Variants in RIMS1 observed in about 807,000 individuals in gnomAD.
RIMS1 encodes regulating synaptic membrane exocytosis protein 1.
In RIMS1, 83 loss-of-function variants were observed where a neutral mutation model predicts 214.1. That is an observed-to-expected ratio of 0.39 (90% CI 0.32 to 0.47). The LOEUF (loss-of-function observed/expected upper bound fraction) is 0.47, where lower values mean the gene tolerates loss of function less well. Ranked by LOEUF, RIMS1 falls within the 20% of genes least tolerant of loss-of-function variation. The probability of loss-of-function intolerance (pLI) is 0.99; values close to 1 mark genes in which losing one functional copy is unlikely to be tolerated. For synonymous variants in RIMS1, 793 were observed against 786.8 expected (o/e 1.01, Z -0.13); for missense variants, 2,050 against 2,161.8 (o/e 0.95, Z 1.03).
chr6:71,997,702 C>A (rs944403787), intron 2 of RIMS1, among the ~76,000 whole-genome samples: 4 of 152,142 alleles, frequency 2.6e-5, no homozygotes, highest in Admixed American at 2.6e-4. Context: ...TTACAGGCAA[C>A]AGGAACCATT....
At position 72,235,670 on chromosome 6, in the gene RIMS1, T is replaced by G; in HGVS notation, c.1799T>G (p.Val600Gly). 1 of 1,611,392 alleles carries G rather than the reference T, an allele frequency of 6.2e-7. No homozygotes were observed. Residue 600 changes from valine (V) to glycine (G), a missense_variant, in exon 8 of 34, where the codon GTT (valine) becomes GGT (glycine). By Grantham distance (109) the Val-to-Gly change is moderately radical. Coordinates refer to ENST00000521978, the MANE Select transcript of RIMS1 (RefSeq NM_014989.7). ...SKEGDRLIGR[V>G]ILNKRTTMPK... is the part of the protein sequence containing the mutation. ...GAGGGGGACCGATTAATTGGACGTG[T>G]TATTCTTAACAAGAGAACAACCATG...
At chr6:71,964,228 G>A (rs1048409320) in intron 1 of RIMS1, among the ~76,000 whole-genome samples, 4 of 152,134 alleles carry the variant, frequency 2.6e-5, no homozygotes, top group East Asian at 1.9e-4. Context: ...GGAAAGGTTG[G>A]TGCAGAGATT....
intron 1 of RIMS1, among the ~76,000 whole-genome samples, chr6:71,887,437 T>G (rs1225140460): frequency 1.3e-5 from 2 of 151,470 alleles, no homozygotes; most frequent in African/African-American, 4.9e-5. Flanking sequence ...GAGACTGGGG[T>G]GCAGAGGAGG....
At chr6:72,346,342 A>G (rs543373948) in intron 29 of RIMS1, among the ~76,000 whole-genome samples, 1 of 151,962 alleles carries the variant, frequency 6.6e-6, no homozygotes, top group Non-Finnish European at 1.5e-5. Flanking sequence ...TTAATAGAAT[A>G]CAAGAATAGA....
At chr6:72,302,345 A>G (rs560141344) in intron 26 of RIMS1, among the ~76,000 whole-genome samples, 55 of 151,818 alleles carry the variant, frequency 3.6e-4, no homozygotes, top group African/African-American at 1.2e-3. Flanking sequence ...TTTCAAATAA[A>G]CCATCTTTCT....
intron 1 of RIMS1, among the ~76,000 whole-genome samples, chr6:71,943,777 C>T (rs1401756561): frequency 1.3e-5 from 2 of 152,168 alleles, no homozygotes; most frequent in African/African-American, 4.8e-5. Context: ...AGCGTATCAG[C>T]TTTCCGATGG....
chr6:72,017,614 CTG>C (rs1229871962), intron 2 of RIMS1, among the ~76,000 whole-genome samples: 2 of 152,128 alleles, frequency 1.3e-5, no homozygotes, highest in South Asian at 2.1e-4. Context: ...GTATTGGAAA[CTG>C]TTCTGGATTC....
At chr6:72,030,081 C>T (rs114041275) in intron 2 of RIMS1, among the ~76,000 whole-genome samples, 32 of 152,258 alleles carry the variant, frequency 2.1e-4, no homozygotes, top group African/African-American at 7.7e-4. Flanking sequence ...CAGGGCCAGA[C>T]CATGTCATAG....
intron 4 of RIMS1, among the ~76,000 whole-genome samples, chr6:72,172,324 C>T (rs1031888308): frequency 6.6e-6 from 1 of 152,038 alleles, no homozygotes; most frequent in East Asian, 1.9e-4. Flanking sequence ...CCACATATAA[C>T]TATGTAACTG....
chr6:71,909,632 G>A (rs1776310023), intron 1 of RIMS1, among the ~76,000 whole-genome samples: 1 of 152,030 alleles, frequency 6.6e-6, no homozygotes, highest in Non-Finnish European at 1.5e-5. Flanking sequence ...AAAATACAGA[G>A]GTATACTAAA....
At chr6:72,293,547 G>A (rs995293322) in intron 26 of RIMS1, among the ~76,000 whole-genome samples, 3 of 151,932 alleles carry the variant, frequency 2.0e-5, no homozygotes, top group East Asian at 1.9e-4. Flanking sequence ...CGGTCTTACC[G>A]ATCATATTTT....
Position 72,260,737 on chromosome 6 carries a change from G to A in RIMS1, c.3086G>A (p.Gly1029Glu). The change falls in exon 19 of 34, where the codon GGA becomes GAA. Residue 1029 changes from glycine to glutamate, a missense_variant. Coordinates refer to ENST00000521978, the MANE Select transcript of RIMS1 (RefSeq NM_014989.7). ...CTTATGCTGCCCAGAGCAAAACGAG[G>A]ACGAAGTGCAGAATGCCTACATACT... The part of the protein sequence containing the change: ...ELLMLPRAKR[G>E]RSAECLHTTR... 1 of 1,612,510 alleles carries A rather than the reference G, an allele frequency of 6.2e-7. No individual in the cohort carries two copies. The highest frequency in any genetic ancestry group is 1.1e-5 in the South Asian group (1 of 90,956).
In RIMS1 at chr6:71,996,577, C is replaced by T. The variant is rs975605289; in HGVS notation, c.245+27514C>T. ...TCTTTGAACGGATATTTTCTCTGCA[C>T]TACTTATAAAGATGGCAGAAAATGA... On this transcript the variant is annotated intron_variant, in intron 2 of 33. Transcript: ENST00000521978. 6.6e-5 allele frequency among the ~76,000 whole-genome samples: 10 copies of T among 152,302 alleles called. No homozygotes were observed. In the East Asian group the frequency reaches 1.9e-3, roughly 29 times the overall value.
chr6:72,015,062 G>T (rs1392002577), intron 2 of RIMS1, among the ~76,000 whole-genome samples: 1 of 151,660 alleles, frequency 6.6e-6, no homozygotes, highest in East Asian at 1.9e-4. Flanking sequence ...TTTTTATTTT[G>T]GAATATTTGC....
At chr6:71,913,675 A>T (rs943554504) in intron 1 of RIMS1, among the ~76,000 whole-genome samples, 4 of 152,122 alleles carry the variant, frequency 2.6e-5, no homozygotes, top group Admixed American at 6.6e-5. Context: ...CACTTCTAGG[A>T]AGAATTTTAA....
chr6:72,366,658 A>G (rs975151244), intron 29 of RIMS1: 7 of 905,850 alleles, frequency 7.7e-6, no homozygotes, highest in Admixed American at 6.2e-5. Flanking sequence ...TATATTCTGT[A>G]TATGCATGAG....
At chr6:72,285,402 A>G (rs1006183223) in intron 24 of RIMS1, among the ~76,000 whole-genome samples, 3 of 152,242 alleles carry the variant, frequency 2.0e-5, no homozygotes, top group African/African-American at 2.4e-5. Context: ...AGTTCAAGTA[A>G]TAAAATAGCA....
chr6:72,191,535 C>T (rs571647695), intron 6 of RIMS1, among the ~76,000 whole-genome samples: 1 of 152,344 alleles, frequency 6.6e-6, no homozygotes, highest in East Asian at 1.9e-4. Flanking sequence ...GAAAAGCAAT[C>T]AAGCTCTCTC....
chr6:72,250,395 A>T lies in RIMS1; in HGVS notation c.2307A>T (p.Leu769=). The T allele has an allele frequency of 6.2e-7, 1 of 1,609,400 alleles. No individual in the cohort carries two copies. The highest frequency in any genetic ancestry group is 8.5e-7 in the Non-Finnish European group (1 of 1,176,708). ...TAAATGTTCTGCAAGCAACAGATCT[A>T]CCTGCTAGAGTAGATGGACGTCCTC... ...LIVNVLQATD[L]PARVDGRPRN... Residue 769 remains leucine, a synonymous_variant, in exon 13 of 34, where the codon CTA becomes CTT. Coordinates refer to ENST00000521978, the MANE Select transcript of RIMS1 (RefSeq NM_014989.7).
Sources: gnomAD v4.1 joint callset for allele counts (sites outside exome capture counted in the v4.1 genomes callset) on GRCh38, gnomAD v4.1.1 for gene constraint, MANE v1.5 for transcripts, NCBI Gene and HGNC (gene_info 2026-07-23, HGNC 2026-07-21) for gene names.